The following SLC4A4 variants were observed in gnomAD, a reference collection of about 807,000 sequenced individuals.
The protein encoded by SLC4A4 is electrogenic sodium bicarbonate cotransporter 1.
In SLC4A4, 27 loss-of-function variants were observed where a neutral mutation model predicts 111.5. The ratio of observed to expected loss-of-function variants is 0.24; its 90% CI spans 0.18 to 0.33. The LOEUF (loss-of-function observed/expected upper bound fraction) is 0.33. Among genes scored for constraint, SLC4A4 ranks in the 10% least tolerant of loss-of-function variants. The probability of loss-of-function intolerance (pLI) is 1.00; values close to 1 mark genes in which losing one functional copy is unlikely to be tolerated. For missense variants in SLC4A4, 909 were observed against 1,315.5 expected, an observed-to-expected ratio of 0.69 and a Z score of 4.78; for synonymous variants, 443 against 463.4, an observed-to-expected ratio of 0.96 and a Z score of 0.57.
At chr4:71,446,002 T>C (rs1310843733) in intron 8 of SLC4A4, among the ~76,000 whole-genome samples, 1 of 152,196 alleles carries the variant, frequency 6.6e-6, no homozygotes, top group Non-Finnish European at 1.5e-5. Context: ...GATTGCTATC[T>C]ACTTTGGTAA....
At chr4:71,361,232 C>T (rs981211193) in intron 6 of SLC4A4, among the ~76,000 whole-genome samples, 2 of 152,114 alleles carry the variant, frequency 1.3e-5, no homozygotes, top group Non-Finnish European at 2.9e-5. Context: ...GGTTCTTTCC[C>T]CTGGTAACCG....
intron 1 of SLC4A4, among the ~76,000 whole-genome samples, chr4:71,230,991 G>T (rs1351378363): frequency 6.6e-6 from 1 of 152,206 alleles, no homozygotes; most frequent in African/African-American, 2.4e-5. Context: ...GCAAAAGCTT[G>T]GGCTAGGAGG....
At chr4:71,477,171 A>C (rs1728447479) in intron 14 of SLC4A4, among the ~76,000 whole-genome samples, 1 of 151,728 alleles carries the variant, frequency 6.6e-6, no homozygotes, top group African/African-American at 2.4e-5. Flanking sequence ...TAATTACTTA[A>C]TCTCTTTGTT....
At chr4:71,179,641 C>T (rs1414270099) in intron 2 of SLC4A4, among the ~76,000 whole-genome samples, 1 of 152,126 alleles carries the variant, frequency 6.6e-6, no homozygotes, top group Admixed American at 6.6e-5. Flanking sequence ...CTCCAACTTA[C>T]AAGGGATGTG....
intron 1 of SLC4A4, among the ~76,000 whole-genome samples, chr4:71,221,894 A>C (rs973970384): frequency 6.6e-6 from 1 of 152,146 alleles, no homozygotes; most frequent in Non-Finnish European, 1.5e-5. Flanking sequence ...GGATTGGGTC[A>C]AGTTCTGACA....
chr4:71,371,290 C>G (rs1354833963), intron 6 of SLC4A4, among the ~76,000 whole-genome samples: 2 of 134,790 alleles, frequency 1.5e-5, no homozygotes, highest in African/African-American at 5.5e-5. Flanking sequence ...GTTTCCCAGG[C>G]TAGAGTGCAG....
At position 71,481,171 on chromosome 4, in the gene SLC4A4, G is replaced by A. The variant is rs893232258; in HGVS notation, c.1904-5777G>A. 5.3e-5 allele frequency among the ~76,000 whole-genome samples: 8 copies of A among 151,658 alleles called. No homozygotes were observed. In the South Asian group the frequency reaches 1.5e-3, roughly 28 times the overall value. On this transcript the variant is annotated intron_variant, in intron 14 of 25. Coordinates refer to ENST00000264485, the MANE Select transcript of SLC4A4 (RefSeq NM_001098484.3). ...GATTATGTGGTGTGGGAGCCTAAGG[G>A]CACTATGCTCAGAAGGTGCTGGGTC...
At chr4:71,344,480 C>T (rs1373374268) in intron 4 of SLC4A4, among the ~76,000 whole-genome samples, 2 of 152,090 alleles carry the variant, frequency 1.3e-5, no homozygotes, top group African/African-American at 4.8e-5. Flanking sequence ...AAGTTTAATG[C>T]TTAGAAGGAA....
intron 2 of SLC4A4, among the ~76,000 whole-genome samples, chr4:71,175,454 C>T (rs763686088): frequency 1.3e-5 from 2 of 152,224 alleles, no homozygotes; most frequent in Admixed American, 6.5e-5. Context: ...ACAGATGACA[C>T]CTGGAAAATT....
At chr4:71,355,747 C>T (rs1730228664) in intron 5 of SLC4A4, among the ~76,000 whole-genome samples, 1 of 152,182 alleles carries the variant, frequency 6.6e-6, no homozygotes, top group Non-Finnish European at 1.5e-5. Flanking sequence ...CAGTCATGCC[C>T]AAGCAAAACC....
At chr4:71,554,992 T>C in intron 20 of SLC4A4, 148 bp from the exon 21 acceptor site, 1 of 656,380 alleles carries the variant, frequency 1.5e-6, no homozygotes, top group Non-Finnish European at 2.7e-6. Flanking sequence ...AGTTCATCAA[T>C]TGACTAGTAA....
At chr4:71,145,910 G>A (rs192724951) in intron 2 of SLC4A4, among the ~76,000 whole-genome samples, 6,028 of 151,854 alleles carry the variant, frequency 0.04, 378 homozygotes, top group African/African-American at 0.13. Flanking sequence ...TCCTGGATTC[G>A]TTGATTTTTT....
At chr4:71,532,294 A>G in intron 17 of SLC4A4, 119 bp downstream of exon 17, 2 of 731,648 alleles carry the variant, frequency 2.7e-6, no homozygotes, top group Non-Finnish European at 5.0e-6. Context: ...TTTTTTTTCC[A>G]AAATCAGTCC....
intron 3 of SLC4A4, among the ~76,000 whole-genome samples, chr4:71,310,851 A>G (rs1726088404): frequency 6.6e-6 from 1 of 152,226 alleles, no homozygotes; most frequent in Admixed American, 6.5e-5. Flanking sequence ...TTAAATGTAA[A>G]TGGGCTAAGT....
At chr4:71,069,498 G>A (rs1445601454) in intron 1 of SLC4A4, among the ~76,000 whole-genome samples, 1 of 152,164 alleles carries the variant, frequency 6.6e-6, no homozygotes, top group Non-Finnish European at 1.5e-5. Flanking sequence ...ACCTATTTCT[G>A]AGTTTCTTGC....
chr4:71,208,403 C>T (rs1717912315), intron 1 of SLC4A4, among the ~76,000 whole-genome samples: 1 of 148,572 alleles, frequency 6.7e-6, no homozygotes, highest in Non-Finnish European at 1.5e-5. Context: ...TGCACTCCAG[C>T]CTGGGCGACA....
chr4:71,527,887 A>T (rs1055427145), intron 16 of SLC4A4, among the ~76,000 whole-genome samples: 1 of 152,066 alleles, frequency 6.6e-6, no homozygotes, highest in Non-Finnish European at 1.5e-5. Context: ...CATGAGAGTG[A>T]ATGTAATCAC....
At chr4:71,148,660 G>T (rs962289657) in intron 2 of SLC4A4, among the ~76,000 whole-genome samples, 6 of 152,092 alleles carry the variant, frequency 3.9e-5, no homozygotes, top group African/African-American at 1.4e-4. Context: ...TTGGTTTTCT[G>T]TTACTGTGTT....
At chr4:71,475,173 C>A (rs1437597200) in intron 14 of SLC4A4, among the ~76,000 whole-genome samples, 1 of 149,820 alleles carries the variant, frequency 6.7e-6, no homozygotes, top group Non-Finnish European at 1.5e-5. Context: ...GGAAAAAAAA[C>A]ACTTTGAGAT....
Sources: gnomAD v4.1 joint callset for allele counts (sites outside exome capture counted in the v4.1 genomes callset) on GRCh38, gnomAD v4.1.1 for gene constraint, MANE v1.5 for transcripts, NCBI Gene and HGNC (gene_info 2026-07-23, HGNC 2026-07-21) for gene names.